RANBP10: variants seen among roughly 807,000 people sequenced by gnomAD.
RANBP10 encodes the protein RAN binding protein 10, also known as ran-binding protein 10.
Under a neutral mutation model 72.8 loss-of-function variants are expected in RANBP10, and 24 were observed. That is an observed-to-expected ratio of 0.33 (90% CI 0.24 to 0.46). The LOEUF is 0.46. Ranked by LOEUF, RANBP10 falls within the 20% of genes least tolerant of loss-of-function variation. RANBP10 has a pLI of 1.00. For synonymous variants in RANBP10, 310 were observed against 322.3 expected (o/e 0.96, Z 0.41); for missense variants, 679 against 817.5 (o/e 0.83, Z 2.07).
chr16:67,732,243 T>C (rs780855243), intron 6 of RANBP10, among the ~76,000 whole-genome samples: 1 of 152,138 alleles, frequency 6.6e-6, no homozygotes, highest in African/African-American at 2.4e-5. Flanking sequence ...CAGGCAGAGA[T>C]AGGCAGCAGC....
chr16:67,759,346 C>T (rs879123745), intron 3 of RANBP10, among the ~76,000 whole-genome samples: 2 of 152,202 alleles, frequency 1.3e-5, no homozygotes, highest in Admixed American at 6.5e-5. Flanking sequence ...ACAGCTGCTC[C>T]AGCTAATTCA....
Position 67,726,359 on chromosome 16 carries a change from T to C in RANBP10, c.*69A>G, listed in dbSNP as rs1057553. ...TTTCCCAGTCCCTGCACCAGTTGCC[T>C]ATGGAGGGCAGGGCAGCTCCAGCCC... On this transcript the variant is annotated 3_prime_UTR_variant, in exon 14 of 14. Transcript: ENST00000317506. 2 of 1,599,958 alleles carry C rather than the reference T, an allele frequency of 1.3e-6. No homozygotes were observed. The highest frequency in any genetic ancestry group is 1.7e-6 in the Non-Finnish European group (2 of 1,174,064).
At chr16:67,745,828 T>C (rs574186401) in intron 3 of RANBP10, among the ~76,000 whole-genome samples, 1 of 152,006 alleles carries the variant, frequency 6.6e-6, no homozygotes, top group African/African-American at 2.4e-5. Context: ...AAGATCAGCC[T>C]GGGACAACAT....
intron 2 of RANBP10, among the ~76,000 whole-genome samples, chr16:67,792,777 G>T (rs1452671540): frequency 6.8e-6 from 1 of 146,684 alleles, no homozygotes; most frequent in African/African-American, 2.5e-5. Flanking sequence ...GCAAGACTCC[G>T]TCTCAAAAAA....
At chr16:67,781,456 C>A (rs1183324264) in intron 2 of RANBP10, among the ~76,000 whole-genome samples, 1 of 152,114 alleles carries the variant, frequency 6.6e-6, no homozygotes, top group Non-Finnish European at 1.5e-5. Context: ...CAGCTTAGCT[C>A]CCAACACTTC....
At chr16:67,805,722 T>C (rs1054283412) in intron 1 of RANBP10, among the ~76,000 whole-genome samples, 183 bp from the exon 2 acceptor site, 1 of 152,260 alleles carries the variant, frequency 6.6e-6, no homozygotes, top group Non-Finnish European at 1.5e-5. Flanking sequence ...CCTCACCTCC[T>C]CCTGAGAACA....
intron 3 of RANBP10, among the ~76,000 whole-genome samples, chr16:67,767,697 C>T (rs1019829159): frequency 6.6e-6 from 1 of 152,048 alleles, no homozygotes; most frequent in African/African-American, 2.4e-5. Flanking sequence ...CCCAGGTTCA[C>T]GCCATTCTCC....
At chr16:67,758,663 T>C (rs2054335867) in intron 3 of RANBP10, among the ~76,000 whole-genome samples, 1 of 152,230 alleles carries the variant, frequency 6.6e-6, no homozygotes, top group Non-Finnish European at 1.5e-5. Context: ...TTTCAGACAC[T>C]GACAAACTCA....
At chr16:67,786,997 G>C (rs1315909454) in intron 2 of RANBP10, among the ~76,000 whole-genome samples, 2 of 152,080 alleles carry the variant, frequency 1.3e-5, no homozygotes, top group Non-Finnish European at 2.9e-5. Flanking sequence ...CCAGCACTTT[G>C]GGAGGCCAAG....
chr16:67,799,285 C>CTTTT (rs869030467), intron 2 of RANBP10, among the ~76,000 whole-genome samples: 1 of 113,976 alleles, frequency 8.8e-6, no homozygotes, highest in Non-Finnish European at 1.8e-5. Flanking sequence ...CTCCACATCT[C>CTTTT]TTTTTTTTTT....
At position 67,787,063 on chromosome 16, in the gene RANBP10, A is replaced by T. The variant is rs189616757; in HGVS notation, c.348-14977T>A. Among the ~76,000 whole-genome samples, 331 of 152,000 alleles carry T rather than the reference A, an allele frequency of 2.2e-3. 2 individuals are homozygous for T. The highest frequency in any genetic ancestry group is 0.01 in the Middle Eastern group (3 of 292). On this transcript the variant is annotated intron_variant, in intron 2 of 13. Transcript: ENST00000317506. ...AGACCAACCTGGCCAACATGGTGAA[A>T]CCCTGTCTCTACTAAAAATACAAAA...
At chr16:67,727,939 G>T in intron 11 of RANBP10, 43 bp from the exon 12 acceptor site, 1 of 1,607,352 alleles carries the variant, frequency 6.2e-7, no homozygotes. Flanking sequence ...GAGGGGTGAA[G>T]AGGGAAGGGC....
chr16:67,737,239 C>T (rs1237768266), intron 5 of RANBP10, among the ~76,000 whole-genome samples: 3 of 119,686 alleles, frequency 2.5e-5, no homozygotes, highest in South Asian at 5.4e-4. Flanking sequence ...CTCGCTCTGT[C>T]GCCCAGGCTG....
At chr16:67,752,249 G>A (rs548788051) in intron 3 of RANBP10, among the ~76,000 whole-genome samples, 1 of 152,154 alleles carries the variant, frequency 6.6e-6, no homozygotes, top group East Asian at 1.9e-4. Context: ...TTGAAGTAGG[G>A]GATGACAGTG....
chr16:67,756,230 T>C (rs1164810140), intron 3 of RANBP10, among the ~76,000 whole-genome samples: 1 of 152,200 alleles, frequency 6.6e-6, no homozygotes, highest in African/African-American at 2.4e-5. Context: ...GCCACTACCA[T>C]CTGCCAGGGC....
At chr16:67,755,579 A>G (rs895445681) in intron 3 of RANBP10, among the ~76,000 whole-genome samples, 3 of 151,324 alleles carry the variant, frequency 2.0e-5, no homozygotes, top group Non-Finnish European at 2.9e-5. Context: ...AGCTGCTCGG[A>G]AGGCTGAGGC....
chr16:67,728,363 A>G (rs1353437257), intron 11 of RANBP10, 27 bp downstream of exon 11: 1 of 1,611,160 alleles, frequency 6.2e-7, no homozygotes, highest in Non-Finnish European at 8.5e-7. Flanking sequence ...GCCCTCAAAG[A>G]ATAGCACACC....
At chr16:67,772,139 T>A in intron 2 of RANBP10, 53 bp from the exon 3 acceptor site, 1 of 1,551,746 alleles carries the variant, frequency 6.4e-7, no homozygotes, top group Non-Finnish European at 8.7e-7. Context: ...CAAATGCTCA[T>A]GCGTCTCCCT....
chr16:67,789,528 G>A (rs2054985294), intron 2 of RANBP10, among the ~76,000 whole-genome samples: 1 of 151,244 alleles, frequency 6.6e-6, no homozygotes, highest in East Asian at 2.0e-4. Flanking sequence ...GGAGTGCAAT[G>A]GCACCATCTC....
Sources: gnomAD v4.1 joint callset for allele counts (sites outside exome capture counted in the v4.1 genomes callset) on GRCh38, gnomAD v4.1.1 for gene constraint, MANE v1.5 for transcripts, NCBI Gene and HGNC (gene_info 2026-07-23, HGNC 2026-07-21) for gene names.